Variants in MYBPC1 observed in about 807,000 individuals in gnomAD.
MYBPC1 encodes myosin binding protein C1.
Under a neutral mutation model 147.1 loss-of-function variants are expected in MYBPC1, and 52 were observed. The ratio of observed to expected loss-of-function variants is 0.35; its 90% CI spans 0.28 to 0.45. MYBPC1 has a LOEUF of 0.45. Among genes scored for constraint, MYBPC1 ranks in the 20% least tolerant of loss-of-function variants. The pLI is 1.00. For missense variants in MYBPC1, 1,228 were observed against 1,440.3 expected, an observed-to-expected ratio of 0.85 and a Z score of 2.39; for synonymous variants, 477 against 475.9, an observed-to-expected ratio of 1.00 and a Z score of -0.03.
intron 6 of MYBPC1, among the ~76,000 whole-genome samples, chr12:101,630,708 CAG>C (rs1889709327): frequency 6.6e-6 from 1 of 152,206 alleles, no homozygotes; most frequent in South Asian, 2.1e-4. Flanking sequence ...TGTGAGCACT[CAG>C]AATTTATAGT....
At chr12:101,656,419 C>T (rs547502388) in intron 18 of MYBPC1, among the ~76,000 whole-genome samples, 1 of 152,040 alleles carries the variant, frequency 6.6e-6, no homozygotes, top group African/African-American at 2.4e-5. Context: ...CAGAGTAGAG[C>T]AAAAACATGA....
chr12:101,616,587 G>A (rs1004564821), intron 2 of MYBPC1, among the ~76,000 whole-genome samples: 2 of 152,042 alleles, frequency 1.3e-5, no homozygotes, highest in Non-Finnish European at 2.9e-5. Context: ...ACCATTTGCA[G>A]GTCTAAACTA....
intron 1 of MYBPC1, 80 bp from the exon 2 acceptor site, chr12:101,614,416 G>T: frequency 6.5e-7 from 1 of 1,530,538 alleles, no homozygotes. Flanking sequence ...GCCTGCAGCA[G>T]AAGCTGCCTG....
intron 28 of MYBPC1, 128 bp downstream of exon 28, chr12:101,678,366 T>G (rs1453406857): frequency 7.5e-7 from 1 of 1,331,508 alleles, no homozygotes; most frequent in African/African-American, 1.4e-5. Context: ...TAGAAGGTGG[T>G]AGTGGTGGTA....
intron 1 of MYBPC1, among the ~76,000 whole-genome samples, chr12:101,602,344 A>C (rs1363723539): frequency 3.3e-5 from 5 of 152,156 alleles, no homozygotes; most frequent in Admixed American, 2.6e-4. Context: ...CCTCCTGAGT[A>C]GCTGGGGTTA....
chr12:101,646,519 G>T (rs1565949728), intron 12 of MYBPC1, among the ~76,000 whole-genome samples: 2 of 152,136 alleles, frequency 1.3e-5, no homozygotes, highest in Admixed American at 6.5e-5. Context: ...CACACCTGTG[G>T]TCCCGGCCAC....
In MYBPC1 at chr12:101,642,505, C is replaced by T. The variant is rs1389273012; in HGVS notation, c.752C>T (p.Ala251Val). Residue 251 changes from alanine to valine, a missense_variant, in exon 11 of 32, where the codon GCC becomes GTC. Physicochemically the swap from Ala to Val is moderately conservative, Grantham distance 64. Around this residue, in one of 2 missense-constraint regions of MYBPC1, gnomAD observed 1,077 missense variants for 1,314.2 expected, o/e 0.82. Coordinates refer to ENST00000361466, the MANE Select transcript of MYBPC1 (RefSeq NM_002465.4). ...NAKPSEYEKI[A>V]FQYGITDLRG... The stretch of plus-strand genomic sequence containing the variant: ...AAACCCAGTGAGTACGAGAAGATCG[C>T]CTTCCAGTATGGAATCACCGACCTG... 1 of 1,613,870 alleles carries T rather than the reference C, an allele frequency of 6.2e-7. No homozygotes were observed. Among genetic ancestry groups the T allele is most frequent in the Admixed American group, 1.7e-5 (1 of 60,012 alleles).
rs570976760 is a variant in MYBPC1 at position 101,619,577 on chromosome 12, T to A, written c.103+2334T>A. Among the ~76,000 whole-genome samples the A allele has an allele frequency of 9.8e-5, 15 of 152,332 alleles. No homozygotes were observed. In the South Asian group the frequency reaches 2.7e-3, roughly 27 times the overall value. On this transcript the variant is annotated intron_variant, in intron 3 of 31. Transcript: ENST00000361466. ...ATGGTAATCTGGATAGATTTTTATT[T>A]CCATTCAACATGTGTGCTGGGTAGG...
At chr12:101,603,221 G>A (rs543926595) in intron 1 of MYBPC1, among the ~76,000 whole-genome samples, 3 of 152,102 alleles carry the variant, frequency 2.0e-5, no homozygotes, top group Admixed American at 6.5e-5. Context: ...GCGCATGCCT[G>A]TAATCCCAGC....
chr12:101,682,652 G>A lies in MYBPC1; in HGVS notation c.3482G>A (p.Gly1161Glu). The A allele has an allele frequency of 6.2e-7, 1 of 1,612,764 alleles. No individual in the cohort carries two copies. Among genetic ancestry groups the A allele is most frequent in the Non-Finnish European group, 8.5e-7 (1 of 1,178,866 alleles). ...CCTGGACAACCAGTCTTCCTGGAGG[G>A]GCAGCAACAGGTTTAAAAAGTTTAT... ...NTPGQPVFLEGQQQSLHNKDF is the reference protein window; with the variant it reads ...NTPGQPVFLEEQQQSLHNKDF Residue 1161 changes from glycine (G) to glutamate (E), a missense_variant, in exon 30 of 32, where the codon GGG (glycine) becomes GAG (glutamate). By Grantham distance (98) the Gly-to-Glu change is moderately conservative (BLOSUM62 -2). This residue lies in a region of MYBPC1 where 1,077 missense variants were observed against 1,314.2 expected (regional missense o/e 0.82). Transcript: ENST00000361466.
At chr12:101,602,601 T>C (rs960547643) in intron 1 of MYBPC1, among the ~76,000 whole-genome samples, 8 of 152,222 alleles carry the variant, frequency 5.3e-5, no homozygotes, top group African/African-American at 1.9e-4. Flanking sequence ...AAATCTTGTC[T>C]GGCACAAGGT....
At chr12:101,692,774 C>T in the MYBPC1 span, among the ~76,000 whole-genome samples, 1 of 152,008 alleles carries the variant, frequency 6.6e-6, no homozygotes, top group Non-Finnish European at 1.5e-5. Context: ...CTCTAATATA[C>T]TTTTTTGACA....
intron 1 of MYBPC1, among the ~76,000 whole-genome samples, chr12:101,610,778 T>C (rs1403654256): frequency 6.6e-6 from 1 of 152,130 alleles, no homozygotes; most frequent in Non-Finnish European, 1.5e-5. Flanking sequence ...GAAAATGGTG[T>C]AATTGCGCTG....
chr12:101,611,800 C>T lies in MYBPC1; in HGVS notation c.26-2696C>T, dbSNP rs550721244. ...ACAGAATAGAATAATCAGCTCTGGC[C>T]GGGCACAGTGGCTCACGCCTGTAAT... On this transcript the variant is annotated intron_variant, in intron 1 of 31. Transcript: ENST00000361466. 3.9e-5 allele frequency among the ~76,000 whole-genome samples: 6 copies of T among 152,206 alleles called. 1 individual carries two copies. The highest frequency in any genetic ancestry group is 1.9e-4 in the East Asian group (1 of 5,174).
chr12:101,660,287 ATT>A (rs1212111069), intron 19 of MYBPC1: 1 of 251,312 alleles, frequency 4.0e-6, no homozygotes, highest in African/African-American at 2.2e-5. Context: ...AACTGAGGTC[ATT>A]TTTATCAGAC....
the MYBPC1 span, among the ~76,000 whole-genome samples, chr12:101,691,547 T>C: frequency 6.6e-6 from 1 of 152,234 alleles, no homozygotes; most frequent in Non-Finnish European, 1.5e-5. Flanking sequence ...ATTTGAAATA[T>C]GAGTGAAAGT....
chr12:101,659,831 G>A lies in MYBPC1; in HGVS notation c.1927G>A (p.Asp643Asn). ...AHASIKVKVVDFPDPPVAPTV... is the reference protein window; with the variant it reads ...AHASIKVKVVNFPDPPVAPTV... ...TGCAAGCATCAAGGTTAAAGTTGTG[G>A]GTAAGTCCTCCAGGTAAACGCACTT... Residue 643 changes from aspartate (D) to asparagine (N), a missense_variant and splice_region_variant, in exon 19 of 32, where the codon GAC (aspartate) becomes AAC (asparagine). Coordinates refer to ENST00000361466, the MANE Select transcript of MYBPC1 (RefSeq NM_002465.4). The A allele has an allele frequency of 6.2e-7, 1 of 1,613,960 alleles. No homozygotes were observed. The highest frequency in any genetic ancestry group is 1.7e-5 in the Admixed American group (1 of 60,000).
rs144572930 is a variant in MYBPC1, at chr12:101,630,995, G to A, written c.290-576G>A. On this transcript the variant is annotated intron_variant, in intron 6 of 31. Transcript: ENST00000361466. ...GTTGGTTCCCCTTATGTTCCTGTAC[G>A]ACATTGAAATGCTGGGCTGGAAGCT... is the stretch of plus-strand genomic sequence containing the variant. Among the ~76,000 whole-genome samples, 178 of 152,156 alleles carry A rather than the reference G, an allele frequency of 1.2e-3. 1 individual carries two copies. The Middle Eastern group carries it at 0.021, about 18-fold the overall frequency.
At chr12:101,688,953 CAAA>C (rs748533294), downstream of MYBPC1, among the ~76,000 whole-genome samples, 168 of 68,276 alleles carry the variant, frequency 2.5e-3, 2 homozygotes, top group African/African-American at 6.7e-3. Context: ...GACCGTATCT[CAAA>C]AAAAAAAAAA....
Sources: allele counts gnomAD v4.1 joint callset (sites outside exome capture counted in the v4.1 genomes callset), GRCh38; gene constraint gnomAD v4.1.1; regional missense constraint gnomAD v4.1.1; transcripts MANE v1.5; gene names NCBI Gene and HGNC (gene_info 2026-07-23, HGNC 2026-07-21).